Variants in FAAH2 observed in about 807,000 individuals in gnomAD.
FAAH2 encodes fatty acid amide hydrolase 2.
In FAAH2, 60 loss-of-function variants were observed where a neutral mutation model predicts 36.9. The ratio of observed to expected loss-of-function variants is 1.63; its 90% CI spans 1.32 to 2.02. The LOEUF (loss-of-function observed/expected upper bound fraction) is 2.02, where lower values mean the gene tolerates loss of function less well. FAAH2 is among the 30% of genes most tolerant of loss of function. The pLI is 0.00. For missense variants in FAAH2, 689 were observed against 397.5 expected (o/e 1.73, Z -6.23); for synonymous variants, 214 against 143.8 (o/e 1.49, Z -3.49).
chrX:57,157,007 CT>C, the FAAH2 span, among the ~76,000 whole-genome samples: 1 of 112,356 alleles, frequency 8.9e-6, no homozygotes, highest in African/African-American at 3.2e-5. Flanking sequence ...AGCAGATTGC[CT>C]TCTTCGTCAG....
chrX:57,449,626 C>T (rs908223772), intron 10 of FAAH2, among the ~76,000 whole-genome samples: 1 of 111,365 alleles, frequency 9.0e-6, no homozygotes, highest in Non-Finnish European at 1.9e-5. Flanking sequence ...TTTGATCACT[C>T]ACTCTTAATT....
chrX:57,161,138 A>C, the FAAH2 span, among the ~76,000 whole-genome samples: 2 of 112,083 alleles, frequency 1.8e-5, no homozygotes, highest in Non-Finnish European at 3.8e-5. Context: ...ATTTAGGAGC[A>C]GGTTGTCCGG....
Position 57,415,596 on chromosome X carries a change from G to A in FAAH2, c.997-16322G>A, listed in dbSNP as rs754007436. Among the ~76,000 whole-genome samples, 57 of 111,816 alleles carry A rather than the reference G, an allele frequency of 5.1e-4. 1 individual carries two copies. The highest frequency in any genetic ancestry group is 1.7e-3 in the African/African-American group (53 of 30,816). ...TGCACTGTGGTCTGAGAGACTCTTT[G>A]TTTTGATTTTCATTCTTTTTCGTTT... On this transcript the variant is annotated intron_variant, in intron 7 of 10. Coordinates refer to ENST00000374900, the MANE Select transcript of FAAH2 (RefSeq NM_174912.4).
chrX:57,167,441 C>G, the FAAH2 span, among the ~76,000 whole-genome samples: 1 of 111,838 alleles, frequency 8.9e-6, no homozygotes, highest in Non-Finnish European at 1.9e-5. Context: ...TAATTATTTG[C>G]TAAGCTCTAA....
At chrX:57,382,617 C>T (rs1163797287) in intron 7 of FAAH2, among the ~76,000 whole-genome samples, 1 of 111,551 alleles carries the variant, frequency 9.0e-6, no homozygotes, top group East Asian at 2.8e-4. Flanking sequence ...CCTCCCAAGA[C>T]TAAACCAGGA....
intron 7 of FAAH2, chrX:57,392,934 T>A: frequency 1.1e-6 from 1 of 906,343 alleles, no homozygotes. Context: ...TAATTCAATG[T>A]TGTCTGCTCC....
Position 57,439,954 on chromosome X carries a change from G to T in FAAH2, c.1117-6974G>T, listed in dbSNP as rs774036597. ...TCTGAGGGTTCTGTTCTCTTCCATT[G>T]ATCTATATCTCTGTTTTGGTACCAG... On this transcript the variant is annotated intron_variant, in intron 8 of 10. Coordinates refer to ENST00000374900, the MANE Select transcript of FAAH2 (RefSeq NM_174912.4). Among the ~76,000 whole-genome samples, 3 of 111,480 alleles carry T rather than the reference G, an allele frequency of 2.7e-5. No homozygotes were observed. In the South Asian group the frequency reaches 1.1e-3, roughly 42 times the overall value.
chrX:57,262,277 G>A, the FAAH2 span, among the ~76,000 whole-genome samples: 5 of 110,892 alleles, frequency 4.5e-5, no homozygotes, highest in Non-Finnish European at 9.4e-5. Context: ...TGAATAAACT[G>A]AAAACTCAGA....
At chrX:57,275,037 G>C in the FAAH2 span, among the ~76,000 whole-genome samples, 1 of 112,074 alleles carries the variant, frequency 8.9e-6, no homozygotes, top group African/African-American at 3.2e-5. Flanking sequence ...TCCTTAAGCT[G>C]ATAAGCAACT....
At chrX:57,239,878 A>G in the FAAH2 span, among the ~76,000 whole-genome samples, 1 of 111,892 alleles carries the variant, frequency 8.9e-6, no homozygotes, top group Non-Finnish European at 1.9e-5. Context: ...TTCAGCTCTT[A>G]TGATCAGTTT....
At chrX:57,446,542 A>T (rs2056678337) in intron 8 of FAAH2, among the ~76,000 whole-genome samples, 2 of 111,930 alleles carry the variant, frequency 1.8e-5, no homozygotes, top group Admixed American at 1.9e-4. Flanking sequence ...GTCATTCCTA[A>T]AAGAGACCTC....
intron 10 of FAAH2, among the ~76,000 whole-genome samples, chrX:57,486,181 C>T (rs758523193): frequency 3.6e-5 from 4 of 112,079 alleles, no homozygotes; most frequent in Non-Finnish European, 7.5e-5. Flanking sequence ...TGTGCTGGTG[C>T]TCTTAGGCTC....
the FAAH2 span, among the ~76,000 whole-genome samples, chrX:57,178,604 C>G: frequency 8.9e-6 from 1 of 111,853 alleles, no homozygotes; most frequent in South Asian, 3.8e-4. Context: ...ACTCTGGCTC[C>G]TTACATGTGG....
At chrX:57,169,049 C>A in the FAAH2 span, among the ~76,000 whole-genome samples, 2 of 111,084 alleles carry the variant, frequency 1.8e-5, no homozygotes, top group African/African-American at 6.5e-5. Context: ...TCTTCCTGAC[C>A]TGTAGATGGC....
At chrX:57,385,284 A>T (rs957298994) in intron 7 of FAAH2, among the ~76,000 whole-genome samples, 10 of 110,750 alleles carry the variant, frequency 9.0e-5, no homozygotes, top group Admixed American at 5.8e-4. Context: ...TATAATAAAA[A>T]AAAAAAAAAA....
rs2052013670 is a variant in FAAH2 at position 57,292,479 on chromosome X, A to G, written c.193-19A>G. 28 of 1,183,429 alleles carry G rather than the reference A, an allele frequency of 2.4e-5. No individual in the cohort carries two copies. The highest frequency in any genetic ancestry group is 3.2e-5 in the Non-Finnish European group (28 of 874,181). ...TTTAGTGAATAAATGGCTGCTGACT[A>G]AAGTATTGTATTTTGCAGGTGAAAT... On this transcript the variant is annotated intron_variant, in intron 1 of 10. Transcript: ENST00000374900.
At chrX:57,475,430 G>A (rs927261510) in intron 10 of FAAH2, among the ~76,000 whole-genome samples, 2 of 111,819 alleles carry the variant, frequency 1.8e-5, no homozygotes, top group Non-Finnish European at 3.8e-5. Flanking sequence ...AGTTTTTTCA[G>A]CATCATTTAT....
At chrX:57,137,379 C>G in the FAAH2 span, 1 of 751,994 alleles carries the variant, frequency 1.3e-6, no homozygotes, top group Non-Finnish European at 1.6e-6. Flanking sequence ...TGTAGGAGCG[C>G]GGCGAGACAG....
the FAAH2 span, among the ~76,000 whole-genome samples, chrX:57,156,050 G>A: frequency 8.9e-6 from 1 of 111,919 alleles, no homozygotes. Flanking sequence ...TCTTGCAGGA[G>A]CAATTCACTT....
Sources: gnomAD v4.1 joint callset for allele counts (sites outside exome capture counted in the v4.1 genomes callset) on GRCh38, gnomAD v4.1.1 for gene constraint, MANE v1.5 for transcripts, NCBI Gene and HGNC (gene_info 2026-07-23, HGNC 2026-07-21) for gene names.